USP8: variants seen among roughly 807,000 people sequenced by gnomAD.
USP8 encodes the protein ubiquitin carboxyl-terminal hydrolase 8.
In USP8, 27 loss-of-function variants were observed where a neutral mutation model predicts 130.0. That is an observed-to-expected ratio of 0.21 (90% CI 0.15 to 0.29). USP8 has a LOEUF of 0.29. Among genes scored for constraint, USP8 ranks in the 10% least tolerant of loss-of-function variants. The probability of loss-of-function intolerance (pLI) is 1.00; values close to 1 mark genes in which losing one functional copy is unlikely to be tolerated. For synonymous variants in USP8, 392 were observed against 444.1 expected (o/e 0.88, Z 1.48); for missense variants, 1,029 against 1,312.2 (o/e 0.78, Z 3.33).
At position 50,471,782 on chromosome 15, in the gene USP8, A is replaced by T. The variant is rs755368712; in HGVS notation, c.836A>T (p.Asp279Val). 6.2e-7 allele frequency: 1 copy of T among 1,613,770 alleles called. No individual in the cohort carries two copies. Among genetic ancestry groups the T allele is most frequent in the Non-Finnish European group, 8.5e-7 (1 of 1,179,920 alleles). ...GGAACAACTCTCCGGAGTCTGAAAG[A>T]TGCACTTTTCAAGGTTTGCAAGTTT... ...QIGTTLRSLK[D>V]ALFKWESKTV... Residue 279 changes from aspartate (D) to valine (V), a missense_variant, in exon 8 of 20, where the codon GAT (aspartate) becomes GTT (valine). Physicochemically the swap from Asp to Val is radical, Grantham distance 152 (BLOSUM62 -3). Transcript: ENST00000307179.
chr15:50,460,596 A>G (rs1387527684), intron 5 of USP8, among the ~76,000 whole-genome samples: 3 of 151,940 alleles, frequency 2.0e-5, no homozygotes, highest in Non-Finnish European at 4.4e-5. Flanking sequence ...GGAGTGAGCC[A>G]CCACTCCTGG....
intron 1 of USP8, among the ~76,000 whole-genome samples, chr15:50,431,213 G>A (rs945466474): frequency 3.3e-5 from 4 of 119,636 alleles, no homozygotes; most frequent in Non-Finnish European, 5.5e-5. Context: ...ATACTGTTTC[G>A]ATCAACCAGT....
At chr15:50,495,482 TTGGAG>T (rs2052356658) in intron 16 of USP8, among the ~76,000 whole-genome samples, 1 of 104,842 alleles carries the variant, frequency 9.5e-6, no homozygotes, top group South Asian at 3.3e-4. Flanking sequence ...TTAGTAGAGA[TTGGAG>T]GGGGGGGTCT....
At chr15:50,471,303 T>C (rs1168500881) in intron 7 of USP8, among the ~76,000 whole-genome samples, 1 of 152,218 alleles carries the variant, frequency 6.6e-6, no homozygotes, top group Non-Finnish European at 1.5e-5. Context: ...CCAGTTTATA[T>C]TTGGCTGAAA....
At chr15:50,449,346 G>A in intron 3 of USP8, 54 bp from the exon 4 acceptor site, 1 of 1,174,648 alleles carries the variant, frequency 8.5e-7, no homozygotes, top group South Asian at 1.6e-5. Context: ...TAACACTAGT[G>A]TCACATGCAA....
At chr15:50,444,842 C>T (rs1221571426) in intron 3 of USP8, among the ~76,000 whole-genome samples, 2 of 152,164 alleles carry the variant, frequency 1.3e-5, no homozygotes, top group Non-Finnish European at 2.9e-5. Flanking sequence ...ACTGCAGCCT[C>T]GACTTCCTGG....
intron 5 of USP8, among the ~76,000 whole-genome samples, chr15:50,459,991 C>A (rs200156052): frequency 9.6e-6 from 1 of 104,384 alleles, no homozygotes; most frequent in Admixed American, 1.2e-4. Context: ...TCCCCCACCC[C>A]CCCCCTTTTT....
At chr15:50,477,755 T>G (rs547808786) in intron 10 of USP8, among the ~76,000 whole-genome samples, 104 of 151,732 alleles carry the variant, frequency 6.9e-4, no homozygotes, top group African/African-American at 2.4e-3. Flanking sequence ...GCATGAGAAT[T>G]GTCTGAACCC....
chr15:50,428,059 A>G (rs907295850), intron 1 of USP8, among the ~76,000 whole-genome samples: 22 of 152,016 alleles, frequency 1.4e-4, no homozygotes, highest in African/African-American at 5.3e-4. Context: ...GTTCTCATGT[A>G]TAGTGAATAA....
rs1220856009 is a variant in USP8, at chr15:50,513,856, G to A, written c.*14768G>A. 1.3e-5 allele frequency: 2 copies of A among 152,166 alleles called. No individual in the cohort carries two copies. Among genetic ancestry groups the A allele is most frequent in the Non-Finnish European group, 2.9e-5 (2 of 68,026 alleles). The allele number at this position is 152,166 out of a possible 1,614,324, so 9.4% of individuals were successfully genotyped here. On this transcript the variant is annotated 3_prime_UTR_variant, in exon 20 of 20. Transcript: ENST00000307179. ...GGTACAGTCGCTTTGGAAAGCTACT[G>A]AGCAGTATGTACTAAAGCCAGACAT...
intron 8 of USP8, among the ~76,000 whole-genome samples, chr15:50,474,741 C>T (rs1182426983): frequency 1.3e-5 from 2 of 152,072 alleles, no homozygotes; most frequent in African/African-American, 4.8e-5. Context: ...ATTGAAACAG[C>T]GAACTATTAG....
intron 16 of USP8, 39 bp from the exon 17 acceptor site, chr15:50,495,809 T>C: frequency 6.8e-7 from 1 of 1,473,446 alleles, no homozygotes; most frequent in Non-Finnish European, 9.3e-7. Flanking sequence ...ATGTTTTCTT[T>C]GAGATATTAA....
chr15:50,432,976 T>A (rs1017527809), intron 1 of USP8, among the ~76,000 whole-genome samples: 1 of 152,212 alleles, frequency 6.6e-6, no homozygotes, highest in Non-Finnish European at 1.5e-5. Flanking sequence ...GCACGATGGC[T>A]CACGCCTGTA....
At chr15:50,484,967 TGTCA>T (rs1475989548) in intron 12 of USP8, among the ~76,000 whole-genome samples, 1 of 152,254 alleles carries the variant, frequency 6.6e-6, no homozygotes, top group East Asian at 1.9e-4. Flanking sequence ...GAATGGTGGT[TGTCA>T]GAGCTGGAGA....
In USP8 at chr15:50,459,049, G is replaced by C. The variant is rs1368580280; in HGVS notation, c.385G>C (p.Glu129Gln). ...RKKLEEKDRQEEAQRLQQKRQ... is the reference protein window; with the variant it reads ...RKKLEEKDRQQEAQRLQQKRQ... ...AAAACTTGAGGAAAAAGACAGGCAG[G>C]AGGAAGCACAGCGGCTACAACAAAA... Residue 129 changes from glutamate (E) to glutamine (Q), a missense_variant, in exon 5 of 20, where the codon GAG becomes CAG. Physicochemically the swap from Glu to Gln is conservative, Grantham distance 29. Coordinates refer to ENST00000307179, the MANE Select transcript of USP8 (RefSeq NM_005154.5). 8.1e-6 allele frequency: 13 copies of C among 1,613,912 alleles called. No individual in the cohort carries two copies. The highest frequency in any genetic ancestry group is 1.1e-5 in the Non-Finnish European group (13 of 1,180,028).
intron 4 of USP8, among the ~76,000 whole-genome samples, chr15:50,449,790 C>T (rs2050561180): frequency 6.6e-6 from 1 of 151,610 alleles, no homozygotes; most frequent in African/African-American, 2.4e-5. Flanking sequence ...ACCATGTTAG[C>T]CAGGATGGTC....
intron 9 of USP8, 114 bp downstream of exon 9, chr15:50,477,107 T>A: frequency 1.4e-6 from 2 of 1,415,142 alleles, no homozygotes; most frequent in Non-Finnish European, 1.9e-6. Context: ...GAGCAGTTTG[T>A]TTTCAGGCAT....
intron 1 of USP8, among the ~76,000 whole-genome samples, chr15:50,427,564 T>C (rs866263514): frequency 6.7e-6 from 1 of 148,328 alleles, no homozygotes; most frequent in East Asian, 2.0e-4. Flanking sequence ...ACTAATTTTT[T>C]TTTTTTTTTT....
Position 50,431,132 on chromosome 15 carries a change from C to G in USP8, c.-66+6618C>G, listed in dbSNP as rs181322928. ...TTTTTTTGTTAATAGCACTACTGCT[C>G]TTCATATTTTGCAGGGTACAGTGTG... On this transcript the variant is annotated intron_variant, in intron 1 of 19. Transcript: ENST00000307179. 1.5e-4 allele frequency among the ~76,000 whole-genome samples: 17 copies of G among 115,430 alleles called. No individual in the cohort carries two copies. The East Asian group carries it at 4.1e-3, about 28-fold the overall frequency. 75.7% of individuals were successfully genotyped at this position (115,430 alleles called of 152,430 possible). A position where few individuals can be genotyped will look rare whatever the true frequency, so the allele number is the denominator to read the frequency against.
Sources: gnomAD v4.1 joint callset for allele counts (sites outside exome capture counted in the v4.1 genomes callset) on GRCh38, gnomAD v4.1.1 for gene constraint, MANE v1.5 for transcripts, NCBI Gene and HGNC (gene_info 2026-07-23, HGNC 2026-07-21) for gene names.